Variants in LRP1B observed in about 807,000 individuals in gnomAD.
LRP1B encodes low-density lipoprotein receptor-related protein 1B.
LRP1B carries 217 observed loss-of-function variants against 556.6 expected under a neutral mutation model. The ratio of observed to expected loss-of-function variants is 0.39; its 90% CI spans 0.35 to 0.44. The LOEUF (loss-of-function observed/expected upper bound fraction) is 0.44. LRP1B is among the 20% of genes least tolerant of loss of function. The pLI, the probability that LRP1B is intolerant of heterozygous loss-of-function variation, is 1.00. For missense variants in LRP1B, 5,053 were observed against 5,620.8 expected, an observed-to-expected ratio of 0.90 and a Z score of 3.23; for synonymous variants, 2,047 against 1,865.8, an observed-to-expected ratio of 1.10 and a Z score of -2.50.
At chr2:141,088,753 A>T (rs1362558391) in intron 7 of LRP1B, among the ~76,000 whole-genome samples, 1 of 152,172 alleles carries the variant, frequency 6.6e-6, no homozygotes, top group Non-Finnish European at 1.5e-5. Flanking sequence ...CACTGTCAGA[A>T]AGAGAAAACA....
At chr2:142,055,873 G>A (rs959027005) in intron 1 of LRP1B, among the ~76,000 whole-genome samples, 44 of 152,056 alleles carry the variant, frequency 2.9e-4, no homozygotes, top group African/African-American at 8.0e-4. Context: ...ACAATACGCC[G>A]GGCACAGTGG....
intron 2 of LRP1B, among the ~76,000 whole-genome samples, chr2:141,730,306 C>T (rs1049024784): frequency 2.6e-5 from 4 of 152,118 alleles, no homozygotes; most frequent in Non-Finnish European, 5.9e-5. Flanking sequence ...CAGGCACATC[C>T]TCGCTGTCAT....
intron 5 of LRP1B, among the ~76,000 whole-genome samples, chr2:141,244,484 T>TCAGCAGCCAGGCAA (rs1683997461): frequency 6.6e-6 from 1 of 152,082 alleles, no homozygotes; most frequent in South Asian, 2.1e-4. Context: ...GAGGCCAATC[T>TCAGCAGCCAGGCAA]CAGCAGCCAG....
chr2:141,633,915 T>G (rs995351067), intron 2 of LRP1B, among the ~76,000 whole-genome samples: 30 of 152,046 alleles, frequency 2.0e-4, no homozygotes, highest in Non-Finnish European at 2.8e-4. Context: ...CTTGTTATGT[T>G]CCATTTAGGA....
At chr2:141,442,539 C>G (rs1045612629) in intron 3 of LRP1B, among the ~76,000 whole-genome samples, 2 of 151,588 alleles carry the variant, frequency 1.3e-5, no homozygotes, top group African/African-American at 4.9e-5. Flanking sequence ...ATCAACCCAT[C>G]ATCTACATTA....
intron 35 of LRP1B, among the ~76,000 whole-genome samples, chr2:140,759,252 A>C (rs1688840001): frequency 6.6e-6 from 1 of 152,166 alleles, no homozygotes; most frequent in African/African-American, 2.4e-5. Flanking sequence ...AAGCTGGCAC[A>C]GATCCAGAGA....
intron 2 of LRP1B, among the ~76,000 whole-genome samples, chr2:141,481,606 T>C (rs1329706073): frequency 1.3e-5 from 2 of 152,156 alleles, no homozygotes; most frequent in East Asian, 1.9e-4. Flanking sequence ...AGGGTTGTTG[T>C]GAATGTCAAC....
intron 2 of LRP1B, among the ~76,000 whole-genome samples, chr2:141,749,117 A>G (rs1050425250): frequency 6.6e-6 from 1 of 152,208 alleles, no homozygotes; most frequent in Non-Finnish European, 1.5e-5. Flanking sequence ...GGCCCTTTAT[A>G]ATAAACTCCC....
At chr2:141,804,780 G>A (rs1304337660) in intron 2 of LRP1B, among the ~76,000 whole-genome samples, 2 of 152,024 alleles carry the variant, frequency 1.3e-5, no homozygotes, top group Non-Finnish European at 2.9e-5. Context: ...ACTTTACTGT[G>A]AGGCAGGTAC....
chr2:141,597,476 A>G (rs189098360), intron 2 of LRP1B, among the ~76,000 whole-genome samples: 1 of 152,196 alleles, frequency 6.6e-6, no homozygotes, highest in East Asian at 1.9e-4. Flanking sequence ...TCACCTTCAC[A>G]TCCTAATGGT....
At chr2:140,694,594 C>A (rs1010729863) in intron 41 of LRP1B, among the ~76,000 whole-genome samples, 1 of 152,106 alleles carries the variant, frequency 6.6e-6, no homozygotes, top group East Asian at 1.9e-4. Flanking sequence ...ACATTTCTTT[C>A]TTCATTTCTA....
At chr2:140,556,109 G>C (rs887793222) in intron 43 of LRP1B, among the ~76,000 whole-genome samples, 1 of 151,962 alleles carries the variant, frequency 6.6e-6, no homozygotes, top group Non-Finnish European at 1.5e-5. Context: ...TGTCTCCAAC[G>C]GGGCTCAGGA....
intron 3 of LRP1B, among the ~76,000 whole-genome samples, chr2:141,259,844 T>C (rs1251779708): frequency 6.6e-6 from 1 of 152,200 alleles, no homozygotes; most frequent in African/African-American, 2.4e-5. Flanking sequence ...AGGTAAGTGA[T>C]ACAAAGTTCT....
At chr2:140,560,921 T>C (rs1680906391) in intron 43 of LRP1B, among the ~76,000 whole-genome samples, 1 of 152,156 alleles carries the variant, frequency 6.6e-6, no homozygotes, top group Admixed American at 6.6e-5. Context: ...ATGTTTGTGA[T>C]TGTGTACACA....
At chr2:140,734,693 C>A (rs1460550498) in intron 35 of LRP1B, among the ~76,000 whole-genome samples, 3 of 151,996 alleles carry the variant, frequency 2.0e-5, no homozygotes, top group Admixed American at 6.6e-5. Flanking sequence ...CTTCTGTGTT[C>A]TGAATCTATC....
intron 1 of LRP1B, among the ~76,000 whole-genome samples, chr2:141,886,979 T>TGG (rs201578899): frequency 4.8e-5 from 7 of 145,124 alleles, no homozygotes; most frequent in Admixed American, 7.0e-5. Context: ...TTTTTTTTTT[T>TGG]GGGTTTTTTG....
intron 7 of LRP1B, among the ~76,000 whole-genome samples, chr2:141,166,130 C>T (rs933516936): frequency 2.6e-5 from 4 of 151,772 alleles, no homozygotes; most frequent in African/African-American, 7.3e-5. Flanking sequence ...TTCTATCTTT[C>T]GAAACTGTAA....
intron 17 of LRP1B, among the ~76,000 whole-genome samples, chr2:140,987,979 C>CG (rs1474063840): frequency 2.0e-5 from 3 of 150,706 alleles, no homozygotes; most frequent in East Asian, 1.9e-4. Context: ...GCAAGACTGT[C>CG]GAAAAAAAAG....
At chr2:141,938,650 A>T (rs868213848) in intron 1 of LRP1B, among the ~76,000 whole-genome samples, 1 of 152,142 alleles carries the variant, frequency 6.6e-6, no homozygotes, top group Middle Eastern at 3.2e-3. Flanking sequence ...CATGTCCATT[A>T]TAGCACTATT....
Sources: allele counts gnomAD v4.1 joint callset (sites outside exome capture counted in the v4.1 genomes callset), GRCh38; gene constraint gnomAD v4.1.1; transcripts MANE v1.5; gene names NCBI Gene and HGNC (gene_info 2026-07-23, HGNC 2026-07-21).